Variants in KCNMA1 observed in about 807,000 individuals in gnomAD.
The protein encoded by KCNMA1 is Calcium-activated potassium channel subunit alpha-1.
Under a neutral mutation model 140.0 loss-of-function variants are expected in KCNMA1, and 29 were observed. The observed-to-expected ratio is 0.21, with a 90% confidence interval of 0.15 to 0.28. The LOEUF (loss-of-function observed/expected upper bound fraction) is 0.28, where lower values mean the gene tolerates loss of function less well. Ranked by LOEUF, KCNMA1 falls within the 10% of genes least tolerant of loss-of-function variation. The pLI, the probability that KCNMA1 is intolerant of heterozygous loss-of-function variation, is 1.00. For missense variants in KCNMA1, 880 were observed against 1,602.2 expected, an observed-to-expected ratio of 0.55 and a Z score of 7.70; for synonymous variants, 612 against 611.9, an observed-to-expected ratio of 1.00 and a Z score of 0.00.
rs931766026 is a variant in KCNMA1 at position 76,914,884 on chromosome 10, T to C, written c.3016+52A>G. 48 of 1,281,446 alleles carry C rather than the reference T, an allele frequency of 3.7e-5. No homozygotes were observed. In the African/African-American group the frequency reaches 5.3e-4, roughly 14 times the overall value. The allele number at this position is 1,281,446 out of a possible 1,614,324, so 79.4% of individuals were successfully genotyped here. On this transcript the variant is annotated intron_variant, in intron 24 of 27. Transcript: ENST00000286628. ...TAAACCAACCTCCTCATATCCTGTA[T>C]GGTTTGAAAGACAGAACAAAAACTC...
intron 5 of KCNMA1, among the ~76,000 whole-genome samples, chr10:77,165,840 C>A (rs1409751889): frequency 6.6e-6 from 1 of 152,202 alleles, no homozygotes. Context: ...GACCTTATTT[C>A]GGCAGAGGTT....
At chr10:77,453,267 T>C (rs1292651578) in intron 1 of KCNMA1, among the ~76,000 whole-genome samples, 2 of 151,872 alleles carry the variant, frequency 1.3e-5, no homozygotes, top group Non-Finnish European at 2.9e-5. Flanking sequence ...CACGACATCA[T>C]TAGAATACAG....
At position 77,576,356 on chromosome 10, in the gene KCNMA1, G is replaced by A. The variant is rs186671076; in HGVS notation, c.378+60909C>T. On this transcript the variant is annotated intron_variant, in intron 1 of 27. Coordinates refer to ENST00000286628, the MANE Select transcript of KCNMA1 (RefSeq NM_001161352.2). ...CTTCCTCTCCCAGAAAGGCACCCAG[G>A]TATCCTGTCCCCACCTCTACCTCTT... 4.6e-5 allele frequency among the ~76,000 whole-genome samples: 7 copies of A among 152,240 alleles called. No homozygotes were observed. The East Asian group carries it at 1.3e-3, about 29-fold the overall frequency.
At chr10:77,106,624 C>T (rs2097203251) in intron 9 of KCNMA1, among the ~76,000 whole-genome samples, 1 of 151,968 alleles carries the variant, frequency 6.6e-6, no homozygotes, top group Admixed American at 6.6e-5. Flanking sequence ...CTTCTTGGGG[C>T]AGTGATTGGG....
intron 16 of KCNMA1, chr10:77,020,573 G>C (rs1029005230): frequency 6.6e-6 from 1 of 152,190 alleles, no homozygotes; most frequent in African/African-American, 2.4e-5. Flanking sequence ...CTAATAGCAC[G>C]GCCTGCACTG....
intron 1 of KCNMA1, among the ~76,000 whole-genome samples, chr10:77,416,487 C>T (rs1011673710): frequency 6.6e-6 from 1 of 152,200 alleles, no homozygotes; most frequent in Non-Finnish European, 1.5e-5. Context: ...CAAGGGGCAA[C>T]TGGGAAGAAA....
chr10:77,251,320 A>G, intron 2 of KCNMA1, 64 bp from the exon 3 acceptor site: 2 of 1,284,192 alleles, frequency 1.6e-6, no homozygotes. Context: ...GGGTTTTTTG[A>G]CACATACCGA....
intron 25 of KCNMA1, among the ~76,000 whole-genome samples, chr10:76,897,751 T>G (rs2043202346): frequency 6.6e-6 from 1 of 151,912 alleles, no homozygotes; most frequent in African/African-American, 2.4e-5. Flanking sequence ...TCAAAACTAA[T>G]TATTAAAAAA....
At chr10:77,267,216 T>C (rs138275120) in intron 2 of KCNMA1, among the ~76,000 whole-genome samples, 1 of 152,236 alleles carries the variant, frequency 6.6e-6, no homozygotes, top group African/African-American at 2.4e-5. Flanking sequence ...AGGCAGAGTT[T>C]TGCACTCAAT....
At chr10:77,562,891 G>C (rs16935035) in intron 1 of KCNMA1, among the ~76,000 whole-genome samples, 28,345 of 152,076 alleles carry the variant, frequency 0.19, 2,897 homozygotes, top group African/African-American at 0.27. Context: ...ACATTGCAAC[G>C]CAATAAAGTA....
intron 1 of KCNMA1, among the ~76,000 whole-genome samples, chr10:77,549,772 C>T (rs1469449159): frequency 2.6e-5 from 4 of 152,330 alleles, no homozygotes; most frequent in Non-Finnish European, 2.9e-5. Flanking sequence ...GAAAGTCATG[C>T]ACCCAAGCTT....
intron 5 of KCNMA1, among the ~76,000 whole-genome samples, chr10:77,172,979 C>T (rs2098721588): frequency 6.6e-6 from 1 of 152,098 alleles, no homozygotes; most frequent in Admixed American, 6.5e-5. Flanking sequence ...TTCCTGAGGG[C>T]TCCACCCTCA....
At chr10:77,531,427 C>A (rs1426272463) in intron 1 of KCNMA1, among the ~76,000 whole-genome samples, 1 of 152,188 alleles carries the variant, frequency 6.6e-6, no homozygotes, top group African/African-American at 2.4e-5. Context: ...CCAGTTAGCT[C>A]CCTGGGCAGG....
chr10:77,382,690 C>T (rs2095431134), intron 2 of KCNMA1, among the ~76,000 whole-genome samples: 1 of 151,300 alleles, frequency 6.6e-6, no homozygotes, highest in Non-Finnish European at 1.5e-5. Flanking sequence ...CATGGTAAAA[C>T]CCTGTCTCTA....
intron 14 of KCNMA1, among the ~76,000 whole-genome samples, chr10:77,056,924 C>T (rs1406659643): frequency 6.6e-6 from 1 of 152,056 alleles, no homozygotes; most frequent in Non-Finnish European, 1.5e-5. Context: ...TCAGGGTCCT[C>T]TGATACATCA....
chr10:77,542,092 C>T (rs1364552803), intron 1 of KCNMA1, among the ~76,000 whole-genome samples: 1 of 152,176 alleles, frequency 6.6e-6, no homozygotes, highest in Admixed American at 6.5e-5. Context: ...TCCCAGAGAG[C>T]TGCCTGGTCC....
At chr10:77,479,634 A>G (rs912217407) in intron 1 of KCNMA1, among the ~76,000 whole-genome samples, 2 of 152,120 alleles carry the variant, frequency 1.3e-5, no homozygotes, top group Non-Finnish European at 2.9e-5. Flanking sequence ...CATCTGAGGG[A>G]TATAGAGACC....
intron 3 of KCNMA1, among the ~76,000 whole-genome samples, chr10:77,192,483 A>G: frequency 6.6e-6 from 1 of 152,190 alleles, no homozygotes; most frequent in East Asian, 1.9e-4. Context: ...AGGTAGTTTT[A>G]GAATTCAATG....
chr10:77,352,680 G>T (rs774175108), intron 2 of KCNMA1, among the ~76,000 whole-genome samples: 1 of 152,088 alleles, frequency 6.6e-6, no homozygotes, highest in South Asian at 2.1e-4. Flanking sequence ...AACAAACACT[G>T]CTCCTTCTGT....
Sources: gnomAD v4.1 joint callset for allele counts (sites outside exome capture counted in the v4.1 genomes callset) on GRCh38, gnomAD v4.1.1 for gene constraint, MANE v1.5 for transcripts, NCBI Gene and HGNC (gene_info 2026-07-23, HGNC 2026-07-21) for gene names.